Variants in PCDHGA2 observed in about 807,000 individuals in gnomAD.
PCDHGA2 encodes the protein protocadherin gamma subfamily A, 2.
A neutral mutation model predicts 59.2 loss-of-function variants in PCDHGA2; 40 were observed. That is an observed-to-expected ratio of 0.68 (90% CI 0.52 to 0.88). The LOEUF is 0.88. PCDHGA2 is among the 40% of genes least tolerant of loss of function. The probability of loss-of-function intolerance (pLI) is 0.00; values close to 1 mark genes in which losing one functional copy is unlikely to be tolerated. For missense variants in PCDHGA2, 1,226 were observed against 1,204.0 expected (o/e 1.02, Z -0.27); for synonymous variants, 560 against 526.0 (o/e 1.06, Z -0.89).
intron 1 of PCDHGA2, chr5:141,352,345 C>T: frequency 6.2e-7 from 1 of 1,614,090 alleles, no homozygotes; most frequent in Admixed American, 1.7e-5. Flanking sequence ...TGGCCTTGAT[C>T]TCAGTGCTCT....
At chr5:141,409,396 C>A in intron 1 of PCDHGA2, 1 of 1,614,004 alleles carries the variant, frequency 6.2e-7, no homozygotes, top group Non-Finnish European at 8.5e-7. Flanking sequence ...ATTCTTCTTC[C>A]AATAACTACT....
intron 1 of PCDHGA2, chr5:141,390,095 T>TC: frequency 6.2e-7 from 1 of 1,613,972 alleles, no homozygotes; most frequent in South Asian, 1.1e-5. Flanking sequence ...AATCCGTGGT[T>TC]CCCCCCAACT....
intron 1 of PCDHGA2, among the ~76,000 whole-genome samples, chr5:141,453,710 A>C (rs988115758): frequency 3.9e-5 from 6 of 152,242 alleles, no homozygotes; most frequent in African/African-American, 1.4e-4. Context: ...GAACAGTTTC[A>C]CTATAAAAAT....
At chr5:141,479,982 C>T (rs368461965) in intron 1 of PCDHGA2, among the ~76,000 whole-genome samples, 1 of 152,192 alleles carries the variant, frequency 6.6e-6, no homozygotes, top group South Asian at 2.1e-4. Flanking sequence ...CTACCATTTA[C>T]CAACTAGGAG....
At chr5:141,350,938 G>T (rs1485713028) in intron 1 of PCDHGA2, 1 of 1,614,082 alleles carries the variant, frequency 6.2e-7, no homozygotes, top group South Asian at 1.1e-5. Context: ...CCCATATCTG[G>T]ATCCGAGTTA....
chr5:141,455,244 T>C (rs977940552), intron 1 of PCDHGA2, among the ~76,000 whole-genome samples: 1 of 152,142 alleles, frequency 6.6e-6, no homozygotes, highest in Admixed American at 6.5e-5. Flanking sequence ...TTAAAGGTCA[T>C]AGTACAATCG....
intron 1 of PCDHGA2, among the ~76,000 whole-genome samples, chr5:141,434,530 A>G (rs1241680580): frequency 6.6e-6 from 1 of 152,226 alleles, no homozygotes; most frequent in African/African-American, 2.4e-5. Flanking sequence ...CTTAAACCAC[A>G]AACAATAGCA....
At chr5:141,352,562 C>A (rs1759045712) in intron 1 of PCDHGA2, 2 of 1,613,944 alleles carry the variant, frequency 1.2e-6, no homozygotes, top group African/African-American at 2.7e-5. Context: ...CAACCTGACA[C>A]CGGAAATGGC....
In PCDHGA2 at chr5:141,477,446, C is replaced by A; in HGVS notation, c.2425-17361C>A. 1 of 1,614,196 alleles carries A rather than the reference C, an allele frequency of 6.2e-7. No homozygotes were observed. The highest frequency in any genetic ancestry group is 8.5e-7 in the Non-Finnish European group (1 of 1,180,022). The stretch of plus-strand genomic sequence containing the variant: ...TTCCCTCTCAGCCCTTACAATAGTG[C>A]GTGTTCAAGTGTCCGACATCAATGA... On this transcript the variant is annotated intron_variant, in intron 1 of 3. Transcript: ENST00000394576. The surrounding 1 kb of genome is among the most constrained non-coding windows in gnomAD (Gnocchi z 4.9).
At chr5:141,478,708 A>G (rs1394463788) in intron 1 of PCDHGA2, 31 of 1,548,072 alleles carry the variant, frequency 2.0e-5, no homozygotes, top group Non-Finnish European at 2.5e-5. Context: ...TGCCTTTGTG[A>G]GATGGTGGCC....
intron 1 of PCDHGA2, chr5:141,351,130 C>A (rs1758652135): frequency 1.2e-6 from 2 of 1,614,058 alleles, no homozygotes; most frequent in Non-Finnish European, 1.7e-6. Flanking sequence ...TCTTCAATCT[C>A]AATCCAAATA....
intron 1 of PCDHGA2, among the ~76,000 whole-genome samples, chr5:141,386,522 C>CT (rs35543697): frequency 1 from 152,285 of 152,292 alleles, 76,139 homozygotes; most frequent in Middle Eastern, 1. Flanking sequence ...CAAAAAAAGA[C>CT]TCTTTTTAGA....
In PCDHGA2 at chr5:141,432,976, C is replaced by A. The variant is rs373558125; in HGVS notation, c.2425-61831C>A. The stretch of plus-strand genomic sequence containing the variant: ...GCTTGACAGGAGCGCCGGCGTCGCA[C>A]TTTGTGGGCGTGGACGGGGTGCAGG... On this transcript the variant is annotated intron_variant, in intron 1 of 3. Coordinates refer to ENST00000394576, the MANE Select transcript of PCDHGA2 (RefSeq NM_018915.4). This position sits in a 1 kb window ranked among gnomAD's most constrained non-coding sequence, Gnocchi z 6.0. 1 of 1,614,210 alleles carries A rather than the reference C, an allele frequency of 6.2e-7. No individual in the cohort carries two copies.
intron 1 of PCDHGA2, chr5:141,364,447 G>A: frequency 6.2e-7 from 1 of 1,613,954 alleles, no homozygotes; most frequent in Non-Finnish European, 8.5e-7. Context: ...CGGAGGAGCT[G>A]GACAAAGGCT....
rs1289333371 is a variant in PCDHGA2, at chr5:141,460,404, G to C, written c.2425-34403G>C. Among the ~76,000 whole-genome samples, 21 of 152,038 alleles carry C rather than the reference G, an allele frequency of 1.4e-4. 1 individual carries two copies. The highest frequency in any genetic ancestry group is 1.4e-3 in the Admixed American group (21 of 15,256). Reference sequence around the variant, plus strand: ...TATAATTTGGTCTATGAATCCTTTTGAGTTGATGTTTATGTATGGTGTATG... The same window carrying C: ...TATAATTTGGTCTATGAATCCTTTTCAGTTGATGTTTATGTATGGTGTATG... On this transcript the variant is annotated intron_variant, in intron 1 of 3. Transcript: ENST00000394576.
intron 1 of PCDHGA2, among the ~76,000 whole-genome samples, chr5:141,386,804 A>T (rs976518864): frequency 6.6e-6 from 1 of 152,238 alleles, no homozygotes; most frequent in Non-Finnish European, 1.5e-5. Context: ...AATTTATTAG[A>T]TGCATAAAAT....
At chr5:141,458,891 G>A (rs775720263) in intron 1 of PCDHGA2, among the ~76,000 whole-genome samples, 10 of 151,976 alleles carry the variant, frequency 6.6e-5, no homozygotes, top group South Asian at 2.1e-4. Context: ...CACACCATGC[G>A]CAGCTAATTT....
chr5:141,340,774 C>G lies in PCDHGA2; in HGVS notation c.1803C>G (p.Asn601Lys), dbSNP rs750438014. 28 of 1,613,810 alleles carry G rather than the reference C, an allele frequency of 1.7e-5. 1 individual carries two copies. Among genetic ancestry groups the G allele is most frequent in the Middle Eastern group, 3.4e-4 (2 of 5,956 alleles). ...VVAVDRDSGQ[N>K]AWLSYHLLKA... Reference sequence around the variant, plus strand: ...CGGTGGACAGAGACTCGGGCCAGAACGCCTGGCTGTCTTACCACCTGCTCA... The same window carrying G: ...CGGTGGACAGAGACTCGGGCCAGAAGGCCTGGCTGTCTTACCACCTGCTCA... The change falls in exon 1 of 4, where the codon AAC becomes AAG. Residue 601 changes from asparagine to lysine, a missense_variant. Asn to Lys is a moderately conservative substitution (Grantham distance 94). Coordinates refer to ENST00000394576, the MANE Select transcript of PCDHGA2 (RefSeq NM_018915.4).
chr5:141,484,121 C>A (rs1451102473), intron 1 of PCDHGA2, among the ~76,000 whole-genome samples: 1 of 152,152 alleles, frequency 6.6e-6, no homozygotes, highest in African/African-American at 2.4e-5. Context: ...TCAAGAATAC[C>A]TTGGTGTCAG....
Sources: gnomAD v4.1 joint callset for allele counts (sites outside exome capture counted in the v4.1 genomes callset) on GRCh38, gnomAD v4.1.1 for gene constraint, Gnocchi (gnomAD v3.1) non-coding constraint, MANE v1.5 for transcripts, NCBI Gene and HGNC (gene_info 2026-07-23, HGNC 2026-07-21) for gene names.